The following BCKDHB variants were observed in gnomAD, a reference collection of about 807,000 sequenced individuals.
BCKDHB encodes the protein 2-oxoisovalerate dehydrogenase subunit beta, mitochondrial.
A neutral mutation model predicts 48.5 loss-of-function variants in BCKDHB; 41 were observed. The observed-to-expected ratio is 0.85, with a 90% CI of 0.66 to 1.10. The LOEUF is 1.10. BCKDHB is among the 50% of genes least tolerant of loss of function. The probability of loss-of-function intolerance (pLI) is 0.00; values close to 1 mark genes in which losing one functional copy is unlikely to be tolerated. For synonymous variants in BCKDHB, 201 were observed against 174.8 expected (o/e 1.15, Z -1.18); for missense variants, 496 against 494.2 (o/e 1.00, Z -0.03).
rs886061809 is a variant in BCKDHB at position 80,344,270 on chromosome 6, G to T, written c.*466G>T. Reference sequence around the variant, plus strand: ...TCCACCTGCCTTAGCCTCCCAAAGTGCTGGGATTACAGGCATGAGCCACTG... The same window carrying T: ...TCCACCTGCCTTAGCCTCCCAAAGTTCTGGGATTACAGGCATGAGCCACTG... On this transcript the variant is annotated 3_prime_UTR_variant, in exon 10 of 10. Coordinates refer to ENST00000320393, the MANE Select transcript of BCKDHB (RefSeq NM_183050.4). The T allele has an allele frequency of 5.8e-5, 13 of 222,578 alleles. No homozygotes were observed. Among genetic ancestry groups the T allele is most frequent in the African/African-American group, 2.8e-4 (12 of 42,764 alleles). 13.8% of individuals were successfully genotyped at this position (222,578 alleles called of 1,614,324 possible). A position where few individuals can be genotyped will look rare whatever the true frequency, so the allele number is the denominator to read the frequency against.
chr6:80,147,201 A>G lies in BCKDHB; in HGVS notation c.343+17972A>G, dbSNP rs538155900. Among the ~76,000 whole-genome samples the G allele has an allele frequency of 8.7e-4, 133 of 152,254 alleles. No homozygotes were observed. The Middle Eastern group carries it at 0.014, about 16-fold the overall frequency. Reference sequence around the variant, plus strand: ...TTTGCAGATACAGAAACTAATGTACAAAGAGGTAAAATAACTTCCCCAGGT... The same window carrying G: ...TTTGCAGATACAGAAACTAATGTACGAAGAGGTAAAATAACTTCCCCAGGT... On this transcript the variant is annotated intron_variant, in intron 3 of 9. Transcript: ENST00000320393.
chr6:80,171,322 T>C lies in BCKDHB; in HGVS notation c.674T>C (p.Leu225Pro), dbSNP rs398124590. ...PRSPFQAKGL[L>P]LSCIEDKNPC... ...AGCCCTTTCCAGGCCAAAGGACTTC[T>C]TTTGTCATGCATAGAGGATAAAAAT... is the stretch of plus-strand genomic sequence containing the variant. The change falls in exon 6 of 10, where the codon CTT becomes CCT. Residue 225 changes from leucine (L) to proline (P), a missense_variant. Physicochemically the swap from Leu to Pro is moderately conservative, Grantham distance 98 (BLOSUM62 -3). Coordinates refer to ENST00000320393, the MANE Select transcript of BCKDHB (RefSeq NM_183050.4). The C allele has an allele frequency of 6.2e-7, 1 of 1,609,342 alleles. No homozygotes were observed. The highest frequency in any genetic ancestry group is 2.2e-5 in the East Asian group (1 of 44,652).
At chr6:80,268,774 G>A (rs2127959113) in intron 8 of BCKDHB, among the ~76,000 whole-genome samples, 1 of 152,216 alleles carries the variant, frequency 6.6e-6, no homozygotes, top group South Asian at 2.1e-4. Context: ...AATCTTTAAA[G>A]GCTATATTCA....
chr6:80,162,980 T>C (rs1035167571), intron 3 of BCKDHB, among the ~76,000 whole-genome samples: 1 of 151,822 alleles, frequency 6.6e-6, no homozygotes, highest in South Asian at 2.1e-4. Flanking sequence ...TGGAGTGCAG[T>C]GGTGCCATCT....
chr6:80,250,700 A>G (rs967968428), intron 8 of BCKDHB, among the ~76,000 whole-genome samples: 2 of 152,146 alleles, frequency 1.3e-5, no homozygotes, highest in Non-Finnish European at 2.9e-5. Context: ...TATACAACAT[A>G]GGGGGAAGAT....
intron 6 of BCKDHB, among the ~76,000 whole-genome samples, chr6:80,196,663 C>A (rs186021110): frequency 6.6e-6 from 1 of 152,054 alleles, no homozygotes; most frequent in Non-Finnish European, 1.5e-5. Flanking sequence ...TTACACACCT[C>A]ACCTCTTCCA....
At chr6:80,233,869 A>G (rs1237345693) in intron 8 of BCKDHB, among the ~76,000 whole-genome samples, 1 of 152,192 alleles carries the variant, frequency 6.6e-6, no homozygotes, top group African/African-American at 2.4e-5. Flanking sequence ...ATAGAGCAGC[A>G]CTTCCCAACC....
At chr6:80,431,648 C>CT in the BCKDHB span, among the ~76,000 whole-genome samples, 1 of 152,094 alleles carries the variant, frequency 6.6e-6, no homozygotes, top group Non-Finnish European at 1.5e-5. Flanking sequence ...GCAATTCCTG[C>CT]TTTTTTTCTG....
the BCKDHB span, chr6:80,374,505 A>T: frequency 1.3e-6 from 1 of 741,178 alleles, no homozygotes; most frequent in Non-Finnish European, 2.5e-6. Context: ...GTGAATACAA[A>T]GATTGGAACC....
chr6:80,212,184 C>T (rs1051664451), intron 8 of BCKDHB, among the ~76,000 whole-genome samples: 4 of 152,112 alleles, frequency 2.6e-5, no homozygotes, highest in African/African-American at 9.7e-5. Context: ...GAGAACCGGT[C>T]TGACCACAAA....
intron 8 of BCKDHB, among the ~76,000 whole-genome samples, chr6:80,271,407 T>C (rs1022962612): frequency 2.0e-5 from 3 of 152,156 alleles, no homozygotes; most frequent in Non-Finnish European, 4.4e-5. Flanking sequence ...TGTTGGAAGC[T>C]TTTGTCCTTG....
In BCKDHB at chr6:80,201,379, G is replaced by A. The variant is rs549386347; in HGVS notation, c.840+348G>A. 2.8e-4 allele frequency among the ~76,000 whole-genome samples: 43 copies of A among 152,226 alleles called. No homozygotes were observed. The South Asian group carries it at 6.8e-3, about 24-fold the overall frequency. The stretch of plus-strand genomic sequence containing the variant: ...TCTATTATTTTCCCTAGTCACTGCT[G>A]TATATTAGATCCTGAGAACTTCCTC... On this transcript the variant is annotated intron_variant, in intron 7 of 9. Coordinates refer to ENST00000320393, the MANE Select transcript of BCKDHB (RefSeq NM_183050.4).
chr6:80,352,296 G>C, the BCKDHB span, among the ~76,000 whole-genome samples: 1 of 152,054 alleles, frequency 6.6e-6, no homozygotes, highest in Non-Finnish European at 1.5e-5. Flanking sequence ...TTATTTTGGA[G>C]GGATTTATGG....
chr6:80,246,823 A>T (rs1010573171), intron 8 of BCKDHB, among the ~76,000 whole-genome samples: 5 of 152,024 alleles, frequency 3.3e-5, no homozygotes, highest in African/African-American at 1.2e-4. Context: ...ATGCTGACAC[A>T]CACTTGTACA....
the BCKDHB span, among the ~76,000 whole-genome samples, chr6:80,416,702 TG>T: frequency 2.6e-5 from 4 of 152,074 alleles, no homozygotes; most frequent in Admixed American, 6.5e-5. Flanking sequence ...CTTCTGATTA[TG>T]TGATCAATTT....
chr6:80,413,782 T>C, the BCKDHB span, among the ~76,000 whole-genome samples: 1 of 152,224 alleles, frequency 6.6e-6, no homozygotes. Context: ...TTCTCTATGG[T>C]AGAACAGTTT....
chr6:80,264,117 T>A (rs984380721), intron 8 of BCKDHB, among the ~76,000 whole-genome samples: 1 of 152,228 alleles, frequency 6.6e-6, no homozygotes, highest in Non-Finnish European at 1.5e-5. Flanking sequence ...TGCCTTTCCT[T>A]GTTACTTATC....
At chr6:80,200,482 T>C (rs1431331704) in intron 6 of BCKDHB, among the ~76,000 whole-genome samples, 1 of 152,232 alleles carries the variant, frequency 6.6e-6, no homozygotes, top group Non-Finnish European at 1.5e-5. Context: ...TTTAATAAAG[T>C]TTTATCACAT....
chr6:80,188,471 T>G (rs1251853153), intron 6 of BCKDHB, among the ~76,000 whole-genome samples: 1 of 151,892 alleles, frequency 6.6e-6, no homozygotes, highest in Non-Finnish European at 1.5e-5. Context: ...CCCCCGTCTC[T>G]ACAAAAAAAA....
Sources: gnomAD v4.1 joint callset for allele counts (sites outside exome capture counted in the v4.1 genomes callset) on GRCh38, gnomAD v4.1.1 for gene constraint, MANE v1.5 for transcripts, NCBI Gene and HGNC (gene_info 2026-07-23, HGNC 2026-07-21) for gene names.